Variants in DCDC1 observed in about 807,000 individuals in gnomAD.
DCDC1 encodes the protein doublecortin domain containing 1.
DCDC1 carries 200 observed loss-of-function variants against 178.3 expected under a neutral mutation model. The observed-to-expected ratio is 1.12, with a 90% CI of 1.00 to 1.26. The LOEUF (loss-of-function observed/expected upper bound fraction) is 1.26, where lower values mean the gene tolerates loss of function less well. Ranked by LOEUF, DCDC1 falls within the 50% of genes most tolerant of loss-of-function variation. The pLI, the probability that DCDC1 is intolerant of heterozygous loss-of-function variation, is 0.00. For missense variants in DCDC1, 1,983 were observed against 1,749.2 expected (o/e 1.13, Z -2.38); for synonymous variants, 690 against 604.8 (o/e 1.14, Z -2.07).
chr11:31,026,941 C>T (rs758873387), intron 20 of DCDC1, among the ~76,000 whole-genome samples: 17 of 151,710 alleles, frequency 1.1e-4, no homozygotes, highest in Non-Finnish European at 2.1e-4. Flanking sequence ...TGAATTTTTT[C>T]TACAGCAATG....
chr11:30,895,788 C>T (rs1334784314), intron 34 of DCDC1, among the ~76,000 whole-genome samples: 6 of 152,098 alleles, frequency 3.9e-5, no homozygotes, highest in South Asian at 4.2e-4. Flanking sequence ...CTCACAAATA[C>T]GTAACACAAA....
chr11:31,315,634 C>A, intron 3 of DCDC1, among the ~76,000 whole-genome samples: 2 of 146,410 alleles, frequency 1.4e-5, no homozygotes, highest in South Asian at 2.2e-4. Flanking sequence ...CCATGCCCGG[C>A]CATCTGCATA....
chr11:30,897,825 T>C (rs550664317), intron 34 of DCDC1, among the ~76,000 whole-genome samples: 1 of 152,196 alleles, frequency 6.6e-6, no homozygotes, highest in African/African-American at 2.4e-5. Context: ...TAATCTAACA[T>C]AGGAAAGACT....
At chr11:31,088,033 G>T (rs748837741) in intron 17 of DCDC1, among the ~76,000 whole-genome samples, 3 of 151,892 alleles carry the variant, frequency 2.0e-5, no homozygotes, top group African/African-American at 7.2e-5. Context: ...TTATGTTCTC[G>T]TGATAAATTA....
intron 7 of DCDC1, among the ~76,000 whole-genome samples, chr11:31,283,462 C>A (rs1053720380): frequency 1.3e-5 from 2 of 151,398 alleles, no homozygotes; most frequent in Non-Finnish European, 2.9e-5. Context: ...CAGTTCTCTT[C>A]GCATTATATT....
intron 1 of DCDC1, among the ~76,000 whole-genome samples, chr11:31,346,484 A>G (rs989779369): frequency 2.1e-5 from 3 of 142,898 alleles, no homozygotes; most frequent in Admixed American, 7.1e-5. Context: ...AAAAAAAAAA[A>G]AAAAGAAATC....
chr11:30,894,399 C>T lies in DCDC1; in HGVS notation c.4766-15G>A. 6.2e-7 allele frequency: 1 copy of T among 1,603,870 alleles called. No homozygotes were observed. Among genetic ancestry groups the T allele is most frequent in the South Asian group, 1.1e-5 (1 of 88,986 alleles). The stretch of plus-strand genomic sequence containing the variant: ...TACTCGCCGCCCTGAGGAAACAAGT[C>T]TCTAGAAATTTTGTTTCTGATGATA... On this transcript the variant is annotated splice_polypyrimidine_tract_variant and intron_variant, in intron 34 of 38. Transcript: ENST00000684477.
rs1304440609 is a variant in DCDC1 at position 30,909,120 on chromosome 11, A to G, written c.3748-4T>C. Reference sequence around the variant, plus strand: ...CATTGTTGTACGGCTTATATTTCTGAAAAAAGAGGCAAAATATGGAGTCAA... The same window carrying G: ...CATTGTTGTACGGCTTATATTTCTGGAAAAAGAGGCAAAATATGGAGTCAA... On this transcript the variant is annotated splice_polypyrimidine_tract_variant and splice_region_variant and intron_variant, in intron 28 of 38. Coordinates refer to ENST00000684477, the MANE Select transcript of DCDC1 (RefSeq NM_001387274.1). The G allele has an allele frequency of 3.8e-6, 6 of 1,599,060 alleles. No individual in the cohort carries two copies. The highest frequency in any genetic ancestry group is 4.3e-6 in the Non-Finnish European group (5 of 1,170,156).
intron 21 of DCDC1, among the ~76,000 whole-genome samples, chr11:30,941,172 T>G (rs541820594): frequency 6.6e-6 from 1 of 152,286 alleles, no homozygotes; most frequent in East Asian, 1.9e-4. Flanking sequence ...GTCCAAGAAA[T>G]TATTTCTTCT....
At position 30,934,911 on chromosome 11, in the gene DCDC1, A is replaced by C. The variant is rs181062399; in HGVS notation, c.2716-2959T>G. ...CAATTGTTTTTACCCTTTTAGGGTCATTGTTTGGTAAAGTGTTTATTAGGG... is the reference window on the plus strand; with the variant it reads ...CAATTGTTTTTACCCTTTTAGGGTCCTTGTTTGGTAAAGTGTTTATTAGGG... On this transcript the variant is annotated intron_variant, in intron 21 of 38. Transcript: ENST00000684477. Among the ~76,000 whole-genome samples the C allele has an allele frequency of 2.0e-5, 3 of 152,252 alleles. No individual in the cohort carries two copies. In the East Asian group the frequency reaches 5.8e-4, roughly 29 times the overall value.
chr11:30,934,320 CT>C (rs1211763945), intron 21 of DCDC1, among the ~76,000 whole-genome samples: 1 of 152,124 alleles, frequency 6.6e-6, no homozygotes, highest in Non-Finnish European at 1.5e-5. Context: ...TTTCAGGTAT[CT>C]TGTGGAATGC....
At chr11:31,210,252 T>C (rs994968546) in intron 9 of DCDC1, among the ~76,000 whole-genome samples, 3 of 152,176 alleles carry the variant, frequency 2.0e-5, no homozygotes, top group African/African-American at 4.8e-5. Context: ...TAGCAAAACC[T>C]TTTACATGGC....
At chr11:31,012,535 G>T (rs768208783) in intron 20 of DCDC1, among the ~76,000 whole-genome samples, 14 of 151,498 alleles carry the variant, frequency 9.2e-5, no homozygotes, top group African/African-American at 3.4e-4. Context: ...AGCCTGAGAG[G>T]TTGAGCCTGC....
chr11:30,967,653 A>AGTC (rs1212783105), intron 20 of DCDC1, among the ~76,000 whole-genome samples: 1 of 152,222 alleles, frequency 6.6e-6, no homozygotes, highest in Non-Finnish European at 1.5e-5. Flanking sequence ...ATTGTGGGAC[A>AGTC]GTCTTCAATC....
At chr11:30,873,101 GTCTC>G (rs552328701) in intron 38 of DCDC1, among the ~76,000 whole-genome samples, 25 of 145,854 alleles carry the variant, frequency 1.7e-4, no homozygotes, top group African/African-American at 4.5e-4. Flanking sequence ...GTCTCTCTCT[GTCTC>G]TCTCTCTCTC....
At chr11:30,900,220 T>C in intron 33 of DCDC1, 126 bp downstream of exon 33, 1 of 881,590 alleles carries the variant, frequency 1.1e-6, no homozygotes, top group Non-Finnish European at 1.6e-6. Flanking sequence ...TTCTGTTCTT[T>C]GTATAAATGT....
At chr11:31,308,750 G>A (rs114685476) in intron 3 of DCDC1, among the ~76,000 whole-genome samples, 2 of 152,170 alleles carry the variant, frequency 1.3e-5, no homozygotes, top group African/African-American at 2.4e-5. Context: ...AGAATATACC[G>A]GTATGATAAA....
At position 30,916,984 on chromosome 11, in the gene DCDC1, G is replaced by A; in HGVS notation, c.3338C>T (p.Thr1113Ile). The change falls in exon 26 of 39, where the codon ACA (threonine) becomes ATA (isoleucine). Residue 1113 changes from threonine to isoleucine, a missense_variant. Thr to Ile is a moderately conservative substitution (Grantham distance 89, BLOSUM62 -1). Transcript: ENST00000684477. ...RAHLRMKACHTLPRYAWQETS... is the reference protein window; with the variant it reads ...RAHLRMKACHILPRYAWQETS... ...TTCCTGCCAGGCATACCTGGGAAGT[G>A]TGTGACAAGCCTTCATTCGAAGATG... is the stretch of plus-strand genomic sequence containing the variant. 1 of 1,609,370 alleles carries A rather than the reference G, an allele frequency of 6.2e-7. No homozygotes were observed. The highest frequency in any genetic ancestry group is 8.5e-7 in the Non-Finnish European group (1 of 1,178,004).
chr11:31,124,182 G>C (rs1190872007), intron 11 of DCDC1, among the ~76,000 whole-genome samples: 1 of 152,000 alleles, frequency 6.6e-6, no homozygotes, highest in East Asian at 1.9e-4. Context: ...TTATTATTTT[G>C]AGGTACATTC....
Sources: gnomAD v4.1 joint callset for allele counts (sites outside exome capture counted in the v4.1 genomes callset) on GRCh38, gnomAD v4.1.1 for gene constraint, MANE v1.5 for transcripts, NCBI Gene and HGNC (gene_info 2026-07-23, HGNC 2026-07-21) for gene names.